The following SEMA4A variants were observed in gnomAD, a reference collection of about 807,000 sequenced individuals.
SEMA4A encodes the protein semaphorin 4A, also known as semaphorin-4A.
A neutral mutation model predicts 72.5 loss-of-function variants in SEMA4A; 52 were observed. The ratio of observed to expected loss-of-function variants is 0.72; its 90% CI spans 0.57 to 0.90. The LOEUF (loss-of-function observed/expected upper bound fraction) is 0.90. Among genes scored for constraint, SEMA4A ranks in the 40% least tolerant of loss-of-function variants. The pLI is 0.00. For missense variants in SEMA4A, 926 were observed against 959.7 expected, an observed-to-expected ratio of 0.96 and a Z score of 0.46; for synonymous variants, 369 against 393.1, an observed-to-expected ratio of 0.94 and a Z score of 0.73.
rs200438768 is a variant in SEMA4A, at chr1:156,160,606, C to G, written c.685+47C>G. 401 of 1,494,754 alleles carry G rather than the reference C, an allele frequency of 2.7e-4. 1 individual carries two copies. The highest frequency in any genetic ancestry group is 3.4e-4 in the Non-Finnish European group (365 of 1,072,054). The allele number at this position is 1,494,754 out of a possible 1,614,324, so 92.6% of individuals were successfully genotyped here. The stretch of plus-strand genomic sequence containing the variant: ...GCCTCCTTTCCTGAGTCCTGGTGAC[C>G]TTGCTAATTCACTCAACTTTCATTT... On this transcript the variant is annotated intron_variant, in intron 7 of 14. Transcript: ENST00000368285.
chr1:156,158,370 A>T lies in SEMA4A; in HGVS notation c.364-18A>T. 6.2e-7 allele frequency: 1 copy of T among 1,605,794 alleles called. No homozygotes were observed. ...TGAGTCAGGTGGCCTGGAGACCTAAATTCTCTGTCTCCCTCAGACACAGTG... is the reference window on the plus strand; with the variant it reads ...TGAGTCAGGTGGCCTGGAGACCTAATTTCTCTGTCTCCCTCAGACACAGTG... On this transcript the variant is annotated intron_variant, in intron 4 of 14. Transcript: ENST00000368285.
chr1:156,160,798 G>A, intron 7 of SEMA4A, 107 bp from the exon 8 acceptor site: 1 of 1,538,270 alleles, frequency 6.5e-7, no homozygotes, highest in Non-Finnish European at 8.9e-7. Flanking sequence ...GGGACCCGAG[G>A]AAGCCTGTGT....
chr1:156,169,973 C>T (rs1200862360), intron 10 of SEMA4A, among the ~76,000 whole-genome samples: 4 of 151,520 alleles, frequency 2.6e-5, no homozygotes, highest in African/African-American at 4.9e-5. Flanking sequence ...TGCAGTGAGC[C>T]GAGATCGTGC....
chr1:156,154,972 A>G, intron 2 of SEMA4A: 1 of 544,932 alleles, frequency 1.8e-6, no homozygotes, highest in Non-Finnish European at 3.2e-6. Context: ...CGCTTCTTCC[A>G]GTTCTCCATG....
chr1:156,162,217 C>T (rs188353007), intron 9 of SEMA4A, among the ~76,000 whole-genome samples: 1 of 152,294 alleles, frequency 6.6e-6, no homozygotes, highest in East Asian at 1.9e-4. Flanking sequence ...GCCAAGATCG[C>T]ACCACTGCAC....
At chr1:156,163,678 G>A (rs1486079461) in intron 10 of SEMA4A, among the ~76,000 whole-genome samples, 1 of 127,558 alleles carries the variant, frequency 7.8e-6, no homozygotes, top group Non-Finnish European at 1.6e-5. Context: ...CCAAGATTGC[G>A]CCACTGCACT....
At chr1:156,172,349 CAG>C (rs1418647347) in intron 10 of SEMA4A, among the ~76,000 whole-genome samples, 56 of 152,002 alleles carry the variant, frequency 3.7e-4, no homozygotes, top group African/African-American at 1.3e-3. Flanking sequence ...CTCCTGACCT[CAG>C]GTGATCCACC....
At chr1:156,174,174 G>T (rs1378811168) in intron 11 of SEMA4A, among the ~76,000 whole-genome samples, 2 of 152,128 alleles carry the variant, frequency 1.3e-5, no homozygotes, top group Admixed American at 6.5e-5. Context: ...CAGCAAGACT[G>T]CCCAGGCAGA....
At position 156,175,255 on chromosome 1, in the gene SEMA4A, TCCTGGATGGTGG is replaced by T. The variant is rs777028254; in HGVS notation, c.1592+22_1592+33del. 516 of 1,604,938 alleles carry T rather than the reference TCCTGGATGGTGG, an allele frequency of 3.2e-4. 2 individuals are homozygous for T. The highest frequency in any genetic ancestry group is 1.7e-4 in the Middle Eastern group (1 of 5,822). On this transcript the variant is annotated intron_variant, in intron 13 of 14. Transcript: ENST00000368285. Reference sequence around the variant, plus strand: ...TCTGCCCCCAACCTGTGAGTGCCAGTCCTGGATGGTGGCCTGGATGGCCAGCCAGGACCCTTC... The same window carrying T: ...TCTGCCCCCAACCTGTGAGTGCCAGTCCTGGATGGCCAGCCAGGACCCTTC...
chr1:156,158,222 T>C, intron 4 of SEMA4A, 90 bp downstream of exon 4: 1 of 1,432,454 alleles, frequency 7.0e-7, no homozygotes, highest in Admixed American at 1.7e-5. Context: ...TGGGCGGCAG[T>C]GGAGGGCACT....
At chr1:156,163,247 T>C (rs7555253) in intron 10 of SEMA4A, 153 bp downstream of exon 10, 329,583 of 806,516 alleles carry the variant, frequency 0.41, 69,639 homozygotes, top group African/African-American at 0.55. Flanking sequence ...TAGCTGCCTA[T>C]ATTCCACATG....
chr1:156,153,357 G>A (rs1331276343), upstream of SEMA4A: 11 of 152,172 alleles, frequency 7.2e-5, no homozygotes, highest in Admixed American at 7.2e-4. Context: ...TGCTAGGCTG[G>A]TTATACTGGC....
chr1:156,151,395 G>A (rs115044568), upstream of SEMA4A, among the ~76,000 whole-genome samples: 840 of 152,346 alleles, frequency 5.5e-3, 8 homozygotes, highest in African/African-American at 0.019. Context: ...GGGGTGCACT[G>A]CTGGGGGCAG....
rs1655334164 is a variant in SEMA4A, at chr1:156,176,408, A to G, written c.1697A>G (p.Lys566Arg). ...TGCTCCTTTCTTTCTCCTACAGTTA[A>G]AGAAGTCCTGGCTGTCCCCAACTCC... ...LRPQSRPQII[K>R]EVLAVPNSIL... The change falls in exon 15 of 15, where the codon AAA (lysine) becomes AGA (arginine). Residue 566 changes from lysine to arginine, a missense_variant. Lys to Arg is a conservative substitution (Grantham distance 26). Transcript: ENST00000368285. The G allele has an allele frequency of 1.2e-6, 2 of 1,611,890 alleles. No homozygotes were observed. Among genetic ancestry groups the G allele is most frequent in the Non-Finnish European group, 1.7e-6 (2 of 1,178,202 alleles).
upstream of SEMA4A, among the ~76,000 whole-genome samples, chr1:156,150,842 G>A (rs938395933): frequency 6.6e-6 from 1 of 152,174 alleles, no homozygotes; most frequent in Non-Finnish European, 1.5e-5. Flanking sequence ...CTCTGGCAGG[G>A]CAGAGGGTGC....
In SEMA4A at chr1:156,169,177, C is replaced by T. The variant is rs1654459784; in HGVS notation, c.1135-3649C>T. On this transcript the variant is annotated intron_variant, in intron 10 of 14. Transcript: ENST00000368285. Reference sequence around the variant, plus strand: ...TTAGCATCCCCATTAACCTCACTTCCAGAGGTTGCTGAGATTAGTAATTCG... The same window carrying T: ...TTAGCATCCCCATTAACCTCACTTCTAGAGGTTGCTGAGATTAGTAATTCG... Among the ~76,000 whole-genome samples, 4 of 152,276 alleles carry T rather than the reference C, an allele frequency of 2.6e-5. No homozygotes were observed. In the South Asian group the frequency reaches 6.2e-4, roughly 24 times the overall value.
At chr1:156,167,475 C>CAAA (rs58793729) in intron 10 of SEMA4A, among the ~76,000 whole-genome samples, 11 of 103,628 alleles carry the variant, frequency 1.1e-4, no homozygotes, top group Non-Finnish European at 1.2e-4. Context: ...GACCCTGTCT[C>CAAA]AAAAAAAAAA....
intron 10 of SEMA4A, among the ~76,000 whole-genome samples, chr1:156,172,371 C>T (rs963559063): frequency 1.3e-5 from 2 of 152,098 alleles, no homozygotes; most frequent in Admixed American, 1.3e-4. Context: ...CCACCTAGGC[C>T]TCCCAAAGTG....
upstream of SEMA4A, among the ~76,000 whole-genome samples, chr1:156,153,092 T>C (rs1289101437): frequency 6.6e-6 from 1 of 152,170 alleles, no homozygotes. Context: ...CCTATTGGCC[T>C]GATGTCAAAG....
Sources: gnomAD v4.1 joint callset for allele counts (sites outside exome capture counted in the v4.1 genomes callset) on GRCh38, gnomAD v4.1.1 for gene constraint, MANE v1.5 for transcripts, NCBI Gene and HGNC (gene_info 2026-07-23, HGNC 2026-07-21) for gene names.